The following CLPB variants were observed in gnomAD, a reference collection of about 807,000 sequenced individuals.
The protein encoded by CLPB is mitochondrial disaggregase.
A neutral mutation model predicts 78.4 loss-of-function variants in CLPB; 40 were observed. The ratio of observed to expected loss-of-function variants is 0.51; its 90% confidence interval spans 0.40 to 0.66. CLPB has a LOEUF of 0.66. CLPB is among the 30% of genes least tolerant of loss of function. The pLI, the probability that CLPB is intolerant of heterozygous loss-of-function variation, is 0.00. For synonymous variants in CLPB, 333 were observed against 348.0 expected (o/e 0.96, Z 0.48); for missense variants, 780 against 886.9 (o/e 0.88, Z 1.53).
Position 72,293,092 on chromosome 11 carries a change from C to T in CLPB, c.*275G>A. 1 of 392,206 alleles carries T rather than the reference C, an allele frequency of 2.5e-6. No homozygotes were observed. The highest frequency in any genetic ancestry group is 4.2e-5 in the South Asian group (1 of 23,740). 24.3% of individuals were successfully genotyped at this position (392,206 alleles called of 1,614,324 possible). On this transcript the variant is annotated 3_prime_UTR_variant, in exon 16 of 16. Transcript: ENST00000538039. ...CATTCTGAAGGAAATAAGGGACCTC[C>T]ATCCCTCCTTGCCTTGAAGGGGGTG... is the stretch of plus-strand genomic sequence containing the variant.
rs1445938855 is a variant in CLPB at position 72,317,109 on chromosome 11, C to T, written c.985G>A (p.Ala329Thr). Residue 329 changes from alanine to threonine, a missense_variant, in exon 7 of 16, where the codon GCT becomes ACT. Physicochemically the swap from Ala to Thr is moderately conservative, Grantham distance 58. Transcript: ENST00000538039. ...TTCTGGTGTCCCACACACTCACCAG[C>T]ACCCACTGTGGCGATGGCGCTCTCC... The part of the protein sequence containing the change: ...GQESAIATVG[A>T]AIRRKENGWY... 1 of 1,608,458 alleles carries T rather than the reference C, an allele frequency of 6.2e-7. No individual in the cohort carries two copies. The highest frequency in any genetic ancestry group is 8.5e-7 in the Non-Finnish European group (1 of 1,177,708).
At chr11:72,357,440 G>C (rs1362721318) in intron 5 of CLPB, among the ~76,000 whole-genome samples, 1 of 152,132 alleles carries the variant, frequency 6.6e-6, no homozygotes, top group African/African-American at 2.4e-5. Flanking sequence ...GCCGGGCGCA[G>C]TGGCCCAGCA....
At chr11:72,305,851 A>C (rs1469040527) in intron 9 of CLPB, among the ~76,000 whole-genome samples, 1 of 152,242 alleles carries the variant, frequency 6.6e-6, no homozygotes, top group East Asian at 1.9e-4. Context: ...GTATGAAGAC[A>C]TATGAAGACA....
chr11:72,336,050 G>A (rs1244946554), intron 5 of CLPB, among the ~76,000 whole-genome samples: 4 of 151,954 alleles, frequency 2.6e-5, no homozygotes, highest in Admixed American at 2.6e-4. Flanking sequence ...AGGCCCACCT[G>A]CCTTTCCTAG....
At chr11:72,317,343 G>T in intron 6 of CLPB, 123 bp from the exon 7 acceptor site, 1 of 672,438 alleles carries the variant, frequency 1.5e-6, no homozygotes, top group Non-Finnish European at 2.4e-6. Flanking sequence ...CATAGCTGTG[G>T]TTCATGGTCA....
At chr11:72,334,529 C>T (rs1030644855) in intron 5 of CLPB, among the ~76,000 whole-genome samples, 3 of 152,254 alleles carry the variant, frequency 2.0e-5, no homozygotes, top group Admixed American at 1.3e-4. Flanking sequence ...AACCTGACTT[C>T]TACCACTGAT....
intron 6 of CLPB, among the ~76,000 whole-genome samples, chr11:72,329,473 C>T (rs947571061): frequency 2.6e-5 from 4 of 152,118 alleles, no homozygotes; most frequent in African/African-American, 4.8e-5. Context: ...TGGCCAAGGC[C>T]GCTCCCTGGT....
chr11:72,377,865 A>T (rs1339873926), intron 4 of CLPB, among the ~76,000 whole-genome samples: 2 of 152,240 alleles, frequency 1.3e-5, no homozygotes, highest in Non-Finnish European at 2.9e-5. Context: ...ACATATCCAC[A>T]TCACTTCGTT....
intron 2 of CLPB, among the ~76,000 whole-genome samples, chr11:72,416,603 G>C (rs1293191970): frequency 6.6e-6 from 1 of 151,828 alleles, no homozygotes; most frequent in African/African-American, 2.4e-5. Context: ...AGGCATGGTG[G>C]CACGTGCCTG....
chr11:72,349,825 C>T (rs994307476), intron 5 of CLPB, among the ~76,000 whole-genome samples: 1 of 152,222 alleles, frequency 6.6e-6, no homozygotes, highest in African/African-American at 2.4e-5. Context: ...AGGCTCAGTG[C>T]AGGTGGAGGA....
Position 72,295,504 on chromosome 11 carries a change from C to T in CLPB, c.1474G>A (p.Ala492Thr). The T allele has an allele frequency of 6.2e-7, 1 of 1,614,116 alleles. No individual in the cohort carries two copies. The highest frequency in any genetic ancestry group is 8.5e-7 in the Non-Finnish European group (1 of 1,179,964). ...EALEMSRNRI[A>T]ENLGDVQISD... ...TCAGCCGCCATACCCAGGTTTTCGG[C>T]AATACGGTTACGGCTCATCTCCAAA... The change falls in exon 12 of 16, where the codon GCC (alanine) becomes ACC (threonine). Residue 492 changes from alanine (A) to threonine (T), a missense_variant. By Grantham distance (58) the Ala-to-Thr change is moderately conservative. Coordinates refer to ENST00000538039, the MANE Select transcript of CLPB (RefSeq NM_001258392.3).
At chr11:72,354,739 G>T (rs1055151291) in intron 5 of CLPB, 4 of 167,510 alleles carry the variant, frequency 2.4e-5, no homozygotes, top group Middle Eastern at 4.9e-3. Context: ...GCGGTTGGGA[G>T]TAGAAGACTG....
chr11:72,376,578 AG>A (rs1359869687), intron 4 of CLPB, among the ~76,000 whole-genome samples: 1 of 150,858 alleles, frequency 6.6e-6, no homozygotes, highest in South Asian at 2.1e-4. Flanking sequence ...AAAAAAAAAA[AG>A]GTAGAGAGAT....
At chr11:72,309,941 C>T (rs557712886) in intron 7 of CLPB, among the ~76,000 whole-genome samples, 1 of 152,118 alleles carries the variant, frequency 6.6e-6, no homozygotes, top group African/African-American at 2.4e-5. Flanking sequence ...ATCCTAACTA[C>T]TATACTGTGT....
In CLPB at chr11:72,286,140, T is replaced by C. The variant is rs1324337201; in HGVS notation, c.*7227A>G. On this transcript the variant is annotated 3_prime_UTR_variant, in exon 16 of 16. Transcript: ENST00000538039. ...GGTTTCACCATGTTGCTCAGGCTGG[T>C]CTTGAACTCCTGGGCTCAAGCAGTC... 1 of 151,128 alleles carries C rather than the reference T, an allele frequency of 6.6e-6. No homozygotes were observed. Among genetic ancestry groups the C allele is most frequent in the Non-Finnish European group, 1.5e-5 (1 of 67,880 alleles). The allele number at this position is 151,128 out of a possible 1,614,324, so 9.4% of individuals were successfully genotyped here. A position where few individuals can be genotyped will look rare whatever the true frequency, so the allele number is the denominator to read the frequency against.
At chr11:72,416,340 C>T (rs1053117263) in intron 2 of CLPB, among the ~76,000 whole-genome samples, 2 of 152,200 alleles carry the variant, frequency 1.3e-5, no homozygotes, top group Non-Finnish European at 2.9e-5. Flanking sequence ...ATTCTCTTAC[C>T]AGACCGCAAG....
In CLPB at chr11:72,292,122, T is replaced by A. The variant is rs1188468736; in HGVS notation, c.*1245A>T. On this transcript the variant is annotated 3_prime_UTR_variant, in exon 16 of 16. Transcript: ENST00000538039. Reference sequence around the variant, plus strand: ...TGAGGGGTAGACAGTGATCCAAGCATCTGCTGGAGCTCACACCCTGGATTC... The same window carrying A: ...TGAGGGGTAGACAGTGATCCAAGCAACTGCTGGAGCTCACACCCTGGATTC... 1 of 149,116 alleles carries A rather than the reference T, an allele frequency of 6.7e-6. No individual in the cohort carries two copies. The highest frequency in any genetic ancestry group is 1.5e-5 in the Non-Finnish European group (1 of 67,450). 9.2% of individuals were successfully genotyped at this position (149,116 alleles called of 1,614,324 possible). A position where few individuals can be genotyped will look rare whatever the true frequency, so the allele number is the denominator to read the frequency against.
intron 5 of CLPB, among the ~76,000 whole-genome samples, chr11:72,330,686 A>C (rs1950208246): frequency 6.6e-6 from 1 of 152,264 alleles, no homozygotes; most frequent in Non-Finnish European, 1.5e-5. Context: ...CTGAGGATGC[A>C]GAAGAATCAG....
chr11:72,317,279 C>T (rs1949963657), intron 6 of CLPB, 59 bp from the exon 7 acceptor site: 2 of 1,273,104 alleles, frequency 1.6e-6, no homozygotes, highest in Non-Finnish European at 2.2e-6. Flanking sequence ...CATAGCTTCA[C>T]TCTATCCCCC....
Sources: gnomAD v4.1 joint callset for allele counts (sites outside exome capture counted in the v4.1 genomes callset) on GRCh38, gnomAD v4.1.1 for gene constraint, MANE v1.5 for transcripts, NCBI Gene and HGNC (gene_info 2026-07-23, HGNC 2026-07-21) for gene names.